The following PSTPIP1 variants were observed in gnomAD, a reference collection of about 807,000 sequenced individuals.
PSTPIP1 encodes the protein proline-serine-threonine phosphatase-interacting protein 1.
A neutral mutation model predicts 69.6 loss-of-function variants in PSTPIP1; 66 were observed. That is an observed-to-expected ratio of 0.95 (90% CI 0.78 to 1.16). The LOEUF is 1.16. Ranked by LOEUF, PSTPIP1 falls within the 50% of genes most tolerant of loss-of-function variation. The pLI is 0.00. For missense variants in PSTPIP1, 603 were observed against 557.4 expected (o/e 1.08, Z -0.82); for synonymous variants, 266 against 222.7 (o/e 1.19, Z -1.73).
At chr15:77,005,964 T>C (rs1449720130) in intron 1 of PSTPIP1, among the ~76,000 whole-genome samples, 1 of 152,234 alleles carries the variant, frequency 6.6e-6, no homozygotes, top group Non-Finnish European at 1.5e-5. Context: ...CAAGTACCTG[T>C]TTGAAACCCT....
chr15:77,016,831 C>T (rs775791697), intron 1 of PSTPIP1, among the ~76,000 whole-genome samples: 6 of 152,156 alleles, frequency 3.9e-5, no homozygotes, highest in Non-Finnish European at 7.3e-5. Flanking sequence ...TCCTGGATTT[C>T]GACTCCATCC....
At chr15:77,000,946 G>A (rs151277980) in intron 1 of PSTPIP1, among the ~76,000 whole-genome samples, 1 of 152,128 alleles carries the variant, frequency 6.6e-6, no homozygotes, top group East Asian at 1.9e-4. Context: ...GTTCAGTAGC[G>A]CTAGGTTTGT....
At chr15:77,026,257 C>G (rs528695291) in intron 5 of PSTPIP1, 12 of 453,312 alleles carry the variant, frequency 2.6e-5, no homozygotes, top group Non-Finnish European at 5.3e-5. Flanking sequence ...GCAGGCAGGA[C>G]GCAGACTGGC....
intron 13 of PSTPIP1, 39 bp downstream of exon 13, chr15:77,035,602 C>A (rs1194385913): frequency 6.5e-7 from 1 of 1,548,528 alleles, no homozygotes; most frequent in Non-Finnish European, 8.7e-7. Context: ...ACACACTGAT[C>A]CTGGGGGGGA....
Position 77,016,512 on chromosome 15 carries a change from C to T in PSTPIP1, c.37-1636C>T, listed in dbSNP as rs139058976. 1.1e-3 allele frequency among the ~76,000 whole-genome samples: 162 copies of T among 152,274 alleles called. 1 individual carries two copies. Among genetic ancestry groups the T allele is most frequent in the African/African-American group, 3.6e-3 (151 of 41,558 alleles). On this transcript the variant is annotated intron_variant, in intron 1 of 14. Transcript: ENST00000558012. ...TGGGGGTGGGCGCCTGCCTCTGAGG[C>T]TGGGGGGACAGCTTCTGGCCTTCCA... is the stretch of plus-strand genomic sequence containing the variant.
At chr15:77,005,235 A>G (rs936517274) in intron 1 of PSTPIP1, among the ~76,000 whole-genome samples, 1 of 152,134 alleles carries the variant, frequency 6.6e-6, no homozygotes, top group African/African-American at 2.4e-5. Flanking sequence ...AATACAAAAA[A>G]TGTAGCCAGG....
intron 13 of PSTPIP1, 114 bp downstream of exon 13, chr15:77,035,677 C>T (rs567893030): frequency 1.4e-5 from 21 of 1,473,074 alleles, no homozygotes; most frequent in Non-Finnish European, 1.9e-5. Flanking sequence ...GTGTGTCCCC[C>T]AACAGCAAGT....
At chr15:77,019,692 G>A (rs1222306126) in intron 3 of PSTPIP1, among the ~76,000 whole-genome samples, 2 of 152,198 alleles carry the variant, frequency 1.3e-5, no homozygotes, top group Non-Finnish European at 2.9e-5. Flanking sequence ...CCACTCCAGC[G>A]AGCTGCCGTG....
Position 77,027,955 on chromosome 15 carries a change from G to A in PSTPIP1, c.417+41G>A, listed in dbSNP as rs967786264. 1.3e-6 allele frequency: 2 copies of A among 1,497,772 alleles called. No homozygotes were observed. The highest frequency in any genetic ancestry group is 2.8e-5 in the African/African-American group (2 of 71,900). The allele number at this position is 1,497,772 out of a possible 1,614,324, so 92.8% of individuals were successfully genotyped here. ...TGGGGCCGCGGCCTTCCCTCGAGGA[G>A]CAGCGCAGGTCTCAGGGTGCGATCC... On this transcript the variant is annotated intron_variant, in intron 6 of 14. Coordinates refer to ENST00000558012, the MANE Select transcript of PSTPIP1 (RefSeq NM_003978.5). The surrounding 1 kb of genome is among the most constrained non-coding windows in gnomAD (Gnocchi z 4.3).
intron 1 of PSTPIP1, among the ~76,000 whole-genome samples, chr15:77,012,149 C>A (rs1433939916): frequency 4.3e-5 from 5 of 117,174 alleles, no homozygotes; most frequent in Non-Finnish European, 7.0e-5. Flanking sequence ...ATCCATCCAT[C>A]CATCCATCCA....
At chr15:77,033,372 A>G (rs572143373) in intron 12 of PSTPIP1, among the ~76,000 whole-genome samples, 3 of 152,254 alleles carry the variant, frequency 2.0e-5, no homozygotes, top group Non-Finnish European at 4.4e-5. Context: ...TCAAGTGCCA[A>G]GGTCCTAGTG....
rs550076425 is a variant in PSTPIP1, at chr15:77,026,749, C to T, written c.355-1103C>T. Among the ~76,000 whole-genome samples the T allele has an allele frequency of 2.0e-4, 30 of 152,232 alleles. 1 individual carries two copies. Among genetic ancestry groups the T allele is most frequent in the African/African-American group, 7.2e-4 (30 of 41,468 alleles). ...TGAGCAGACAGGGGGTCCCCAGAAG[C>T]CAGCCCAGGCTTGAGGTGCCGGAGC... On this transcript the variant is annotated intron_variant, in intron 5 of 14. Transcript: ENST00000558012.
chr15:77,004,632 T>A (rs949214749), intron 1 of PSTPIP1, among the ~76,000 whole-genome samples: 1 of 150,886 alleles, frequency 6.6e-6, no homozygotes, highest in Non-Finnish European at 1.5e-5. Context: ...GGTGGGAAGA[T>A]CACTTGAACC....
At chr15:77,009,255 A>G (rs916780654) in intron 1 of PSTPIP1, among the ~76,000 whole-genome samples, 1 of 152,146 alleles carries the variant, frequency 6.6e-6, no homozygotes, top group African/African-American at 2.4e-5. Context: ...AGAGAGAGCC[A>G]AAGGGCCTCC....
rs377114025 is a variant in PSTPIP1, at chr15:77,037,143, C to T, written c.1218C>T (p.Gly406=). ...CTGTGGAGAGGAACGGGCAGCGTGG[C>T]TTCGTCCCTGGTTCCTACCTGGAGA... The part of the protein sequence containing the change: ...WWTVERNGQR[G]FVPGSYLEKL Residue 406 remains glycine, a synonymous_variant, in exon 15 of 15, where the codon GGC becomes GGT. Coordinates refer to ENST00000558012, the MANE Select transcript of PSTPIP1 (RefSeq NM_003978.5). The T allele has an allele frequency of 3.7e-6, 6 of 1,611,532 alleles. No homozygotes were observed. Among genetic ancestry groups the T allele is most frequent in the African/African-American group, 1.3e-5 (1 of 74,874 alleles).
In PSTPIP1 at chr15:77,035,807, A is replaced by G. The variant is rs1272511896; in HGVS notation, c.991A>G (p.Thr331Ala). Residue 331 changes from threonine (T) to alanine (A), a missense_variant, in exon 14 of 15, where the codon ACA becomes GCA. Physicochemically the swap from Thr to Ala is moderately conservative, Grantham distance 58. Transcript: ENST00000558012. ...TTSLAASAASTETLTPTPERN... is the reference protein window; with the variant it reads ...TTSLAASAASAETLTPTPERN... ...ATGTCTCACCCTGCTCTTAGCGTCCACAGAGACCCTGACCCCCACCCCCGA... is the reference window on the plus strand; with the variant it reads ...ATGTCTCACCCTGCTCTTAGCGTCCGCAGAGACCCTGACCCCCACCCCCGA... 2 of 1,607,162 alleles carry G rather than the reference A, an allele frequency of 1.2e-6. No individual in the cohort carries two copies. The highest frequency in any genetic ancestry group is 1.7e-6 in the Non-Finnish European group (2 of 1,179,390).
intron 8 of PSTPIP1, 133 bp downstream of exon 8, chr15:77,029,707 A>G (rs927365773): frequency 1.6e-5 from 17 of 1,068,962 alleles, no homozygotes; most frequent in South Asian, 1.5e-4. Context: ...CTCATTCCAG[A>G]TATGTGCCGT....
intron 1 of PSTPIP1, among the ~76,000 whole-genome samples, chr15:77,003,792 C>T (rs935496758): frequency 2.0e-5 from 3 of 152,130 alleles, no homozygotes; most frequent in Middle Eastern, 3.2e-3. Context: ...ATGTCAGGGT[C>T]GTCATCACTT....
At chr15:77,013,409 G>C (rs111394938) in intron 1 of PSTPIP1, among the ~76,000 whole-genome samples, 1 of 152,172 alleles carries the variant, frequency 6.6e-6, no homozygotes, top group Non-Finnish European at 1.5e-5. Flanking sequence ...GTCTCCATGG[G>C]GGGGTGGTGG....
Sources: allele counts gnomAD v4.1 joint callset (sites outside exome capture counted in the v4.1 genomes callset), GRCh38; gene constraint gnomAD v4.1.1; non-coding constraint Gnocchi (gnomAD v3.1); transcripts MANE v1.5; gene names NCBI Gene and HGNC (gene_info 2026-07-23, HGNC 2026-07-21).